CD48: variants seen among roughly 807,000 people sequenced by gnomAD.
CD48 encodes the protein CD48 antigen.
A neutral mutation model predicts 22.0 loss-of-function variants in CD48; 20 were observed. That is an observed-to-expected ratio of 0.91 (90% confidence interval 0.64 to 1.32). CD48 has a LOEUF of 1.32. CD48 is among the 40% of genes most tolerant of loss of function. The pLI, the probability that CD48 is intolerant of heterozygous loss-of-function variation, is 0.00. For synonymous variants in CD48, 110 were observed against 110.1 expected (o/e 1.00, Z 0.01); for missense variants, 307 against 286.5 (o/e 1.07, Z -0.52).
At chr1:160,684,591 G>C in intron 2 of CD48, 1 of 815,398 alleles carries the variant, frequency 1.2e-6, no homozygotes, top group South Asian at 1.9e-5. Context: ...AGCTGATTTA[G>C]GTTGATCACA....
chr1:160,690,658 G>A (rs151066194), intron 1 of CD48, among the ~76,000 whole-genome samples: 4 of 152,266 alleles, frequency 2.6e-5, no homozygotes, highest in Admixed American at 1.3e-4. Context: ...TAGGAAGGGT[G>A]TCTACACTGG....
At chr1:160,681,852 G>C (rs567644104) in intron 2 of CD48, among the ~76,000 whole-genome samples, 1 of 152,104 alleles carries the variant, frequency 6.6e-6, no homozygotes, top group Admixed American at 6.5e-5. Context: ...GGTTCATGGC[G>C]GGCACCTTGG....
intron 1 of CD48, among the ~76,000 whole-genome samples, chr1:160,689,311 A>G (rs1056735369): frequency 1.4e-4 from 22 of 152,330 alleles, no homozygotes; most frequent in Admixed American, 3.3e-4. Context: ...CACTATCATT[A>G]GTGTAGATTT....
At chr1:160,701,777 C>T (rs1392618784) in intron 1 of CD48, among the ~76,000 whole-genome samples, 5 of 152,158 alleles carry the variant, frequency 3.3e-5, no homozygotes. Flanking sequence ...TTTCCTCGGC[C>T]TTTCCAACAC....
At chr1:160,683,472 T>A (rs184404680) in intron 2 of CD48, 1 of 152,326 alleles carries the variant, frequency 6.6e-6, no homozygotes, top group Non-Finnish European at 1.5e-5. Flanking sequence ...GGTAGCAGTA[T>A]TTAAACCACA....
At chr1:160,704,122 C>A (rs913501874) in intron 1 of CD48, among the ~76,000 whole-genome samples, 1 of 152,082 alleles carries the variant, frequency 6.6e-6, no homozygotes, top group Non-Finnish European at 1.5e-5. Context: ...ACTGTATAAA[C>A]CATTGTTTCA....
chr1:160,701,473 A>C (rs1245504888), intron 1 of CD48, among the ~76,000 whole-genome samples: 1 of 151,932 alleles, frequency 6.6e-6, no homozygotes, highest in Non-Finnish European at 1.5e-5. Flanking sequence ...ATTGTAAGGG[A>C]ATGGGATCAG....
chr1:160,701,875 C>G (rs1018757523), intron 1 of CD48, among the ~76,000 whole-genome samples: 1 of 152,186 alleles, frequency 6.6e-6, no homozygotes, highest in Non-Finnish European at 1.5e-5. Flanking sequence ...CCAGTATCTA[C>G]TAGGCCCTCA....
intron 1 of CD48, among the ~76,000 whole-genome samples, chr1:160,709,568 T>C (rs890472054): frequency 2.0e-5 from 3 of 152,258 alleles, no homozygotes; most frequent in South Asian, 4.1e-4. Flanking sequence ...AGATGGGGAA[T>C]TGGGTAGTTG....
intron 1 of CD48, among the ~76,000 whole-genome samples, chr1:160,703,839 C>A (rs1168754208): frequency 2.6e-5 from 4 of 152,066 alleles, no homozygotes; most frequent in Non-Finnish European, 4.4e-5. Flanking sequence ...GAGGAAAGAG[C>A]CAGAGCAAAG....
At chr1:160,691,314 G>A (rs994493665) in intron 1 of CD48, among the ~76,000 whole-genome samples, 19 of 152,152 alleles carry the variant, frequency 1.2e-4, no homozygotes, top group African/African-American at 4.3e-4. Context: ...GGAATGTCTC[G>A]GTATAAAACC....
In CD48 at chr1:160,711,781, C is replaced by T; in HGVS notation, c.-18G>A. 2 of 1,601,504 alleles carry T rather than the reference C, an allele frequency of 1.2e-6. No individual in the cohort carries two copies. Among genetic ancestry groups the T allele is most frequent in the Non-Finnish European group, 1.7e-6 (2 of 1,168,872 alleles). On this transcript the variant is annotated 5_prime_UTR_variant, in exon 1 of 4. Transcript: ENST00000368046. ...GAGCACATGCTTCCTTCCAGAACTT[C>T]CCAGCAACGCAGGAGACAGTTGAGA...
intron 1 of CD48, among the ~76,000 whole-genome samples, chr1:160,690,874 A>C (rs1171776973): frequency 6.6e-6 from 1 of 152,206 alleles, no homozygotes; most frequent in Admixed American, 6.5e-5. Flanking sequence ...TGTACTAAGA[A>C]AAATTATTCT....
intron 3 of CD48, chr1:160,680,668 G>A (rs1174794790): frequency 5.9e-6 from 6 of 1,012,240 alleles, no homozygotes; most frequent in African/African-American, 1.7e-5. Context: ...GGAACATCAG[G>A]CTGGGGAGGA....
At chr1:160,683,129 T>C (rs936129121) in intron 2 of CD48, among the ~76,000 whole-genome samples, 1 of 152,204 alleles carries the variant, frequency 6.6e-6, no homozygotes, top group African/African-American at 2.4e-5. Context: ...TATGTTTTAA[T>C]TGAGCAATTT....
At chr1:160,682,611 G>C (rs1661850953) in intron 2 of CD48, among the ~76,000 whole-genome samples, 1 of 152,100 alleles carries the variant, frequency 6.6e-6, no homozygotes, top group Non-Finnish European at 1.5e-5. Flanking sequence ...TCCTGGACTT[G>C]ACTCTAGTGG....
chr1:160,702,299 G>A lies in CD48; in HGVS notation c.82+9383C>T, dbSNP rs146570934. Among the ~76,000 whole-genome samples, 789 of 152,232 alleles carry A rather than the reference G, an allele frequency of 5.2e-3. 7 individuals carry two copies. The highest frequency in any genetic ancestry group is 0.018 in the African/African-American group (755 of 41,556). On this transcript the variant is annotated intron_variant, in intron 1 of 3. Transcript: ENST00000368046. ...GATCAACCACCCCGCCTCCTACTGT[G>A]GAGGAGGACAAGCATTGTACTGAGA...
rs1661795008 is a variant in CD48 at position 160,681,337 on chromosome 1, G to A, written c.517C>T (p.Pro173Ser). 1 of 1,614,168 alleles carries A rather than the reference G, an allele frequency of 6.2e-7. No individual in the cohort carries two copies. The highest frequency in any genetic ancestry group is 1.3e-5 in the African/African-American group (1 of 75,024). Residue 173 changes from proline to serine, a missense_variant, in exon 3 of 4, where the codon CCA becomes TCA. Coordinates refer to ENST00000368046, the MANE Select transcript of CD48 (RefSeq NM_001778.4). Reference sequence around the variant, plus strand: ...AGCACACTGTTCTGGAGCTCCTTTGGGAAGGGCCTTTTGTCCCCATACCAG... The same window carrying A: ...AGCACACTGTTCTGGAGCTCCTTTGAGAAGGGCCTTTTGTCCCCATACCAG... ...YTWYGDKRPF[P>S]KELQNSVLET...
chr1:160,681,127 G>A, intron 3 of CD48, 75 bp downstream of exon 3: 4 of 1,609,540 alleles, frequency 2.5e-6, no homozygotes, highest in Non-Finnish European at 3.4e-6. Flanking sequence ...GGCTGAATAG[G>A]ACCCCCAGCC....
Sources: gnomAD v4.1 joint callset for allele counts (sites outside exome capture counted in the v4.1 genomes callset) on GRCh38, gnomAD v4.1.1 for gene constraint, MANE v1.5 for transcripts, NCBI Gene and HGNC (gene_info 2026-07-23, HGNC 2026-07-21) for gene names.